The following TENM1 variants were observed in gnomAD, a reference collection of about 807,000 sequenced individuals.
TENM1 encodes the protein teneurin-1.
In TENM1, 35 loss-of-function variants were observed where a neutral mutation model predicts 174.8. That is an observed-to-expected ratio of 0.20 (90% confidence interval 0.15 to 0.27). The LOEUF is 0.27. Among genes scored for constraint, TENM1 ranks in the 10% least tolerant of loss-of-function variants. The pLI, the probability that TENM1 is intolerant of heterozygous loss-of-function variation, is 1.00. For missense variants in TENM1, 1,633 were observed against 2,130.1 expected, an observed-to-expected ratio of 0.77 and a Z score of 4.59; for synonymous variants, 781 against 798.7, an observed-to-expected ratio of 0.98 and a Z score of 0.37.
chrX:125,011,504 C>T, the TENM1 span, among the ~76,000 whole-genome samples: 2 of 111,240 alleles, frequency 1.8e-5, no homozygotes, highest in African/African-American at 3.3e-5. Flanking sequence ...ACAAACAACC[C>T]CATCAAAAAG....
At chrX:124,497,017 T>C (rs1286982058) in exon 20 of TENM1, 1 of 1,209,597 alleles carries the variant, frequency 8.3e-7, no homozygotes, top group Admixed American at 2.2e-5. Context: ...AAGACTTACC[T>C]TAATTCCAAA....
chrX:124,726,540 C>T (rs898937737), intron 4 of TENM1, among the ~76,000 whole-genome samples: 2 of 112,157 alleles, frequency 1.8e-5, no homozygotes, highest in Non-Finnish European at 3.8e-5. Context: ...AGTTCTACAG[C>T]GTCTTTTCCT....
chrX:124,990,141 CTG>C, the TENM1 span, among the ~76,000 whole-genome samples: 1 of 111,157 alleles, frequency 9.0e-6, no homozygotes, highest in South Asian at 3.7e-4. Context: ...GTGAGTTAAA[CTG>C]AGGCCTTCTG....
intron 3 of TENM1, among the ~76,000 whole-genome samples, chrX:124,884,168 G>A: frequency 9.0e-6 from 1 of 111,273 alleles, no homozygotes; most frequent in Non-Finnish European, 1.9e-5. Flanking sequence ...AATGCAAGAG[G>A]CTCCACTGCT....
intron 1 of TENM1, among the ~76,000 whole-genome samples, chrX:124,958,285 A>T (rs759381445): frequency 8.9e-6 from 1 of 112,093 alleles, no homozygotes; most frequent in East Asian, 2.8e-4. Context: ...TAATATGAAC[A>T]TATCTTCAGC....
chrX:124,752,314 C>A (rs1436686909), intron 3 of TENM1, among the ~76,000 whole-genome samples: 12 of 111,735 alleles, frequency 1.1e-4, no homozygotes, highest in Non-Finnish European at 1.7e-4. Context: ...CTGTTCATGT[C>A]CTTCGCCCAC....
chrX:124,502,629 C>T (rs1282757213), intron 19 of TENM1, among the ~76,000 whole-genome samples: 1 of 111,393 alleles, frequency 9.0e-6, no homozygotes, highest in East Asian at 2.8e-4. Flanking sequence ...AAAAAGTTGA[C>T]CTTTTATATC....
chrX:125,189,710 G>A, the TENM1 span, among the ~76,000 whole-genome samples: 1 of 111,998 alleles, frequency 8.9e-6, no homozygotes, highest in African/African-American at 3.2e-5. Context: ...TAAATTGGAG[G>A]TGAGCAGAAG....
At chrX:125,139,858 GGAGAGAGA>G in the TENM1 span, among the ~76,000 whole-genome samples, 17 of 89,907 alleles carry the variant, frequency 1.9e-4, no homozygotes, top group South Asian at 6.3e-4. Flanking sequence ...ACACACACAC[GGAGAGAGA>G]GAGAGAGAGA....
At chrX:124,887,456 G>C (rs2057409051) in intron 3 of TENM1, among the ~76,000 whole-genome samples, 1 of 111,250 alleles carries the variant, frequency 9.0e-6, no homozygotes, top group South Asian at 3.8e-4. Context: ...CTGAAGGATG[G>C]AGAGGGAGGG....
At chrX:124,890,716 T>C (rs920325557) in intron 3 of TENM1, among the ~76,000 whole-genome samples, 6 of 110,620 alleles carry the variant, frequency 5.4e-5, no homozygotes, top group African/African-American at 1.6e-4. Flanking sequence ...GGAACACTTA[T>C]ATACTGTCGG....
At chrX:125,145,492 T>C in the TENM1 span, among the ~76,000 whole-genome samples, 5 of 112,622 alleles carry the variant, frequency 4.4e-5, no homozygotes, top group African/African-American at 1.6e-4. Context: ...ACAATTGCTA[T>C]AAATTCTTAA....
intron 19 of TENM1, among the ~76,000 whole-genome samples, chrX:124,498,549 A>T (rs1179012109): frequency 9.2e-6 from 1 of 109,176 alleles, no homozygotes; most frequent in East Asian, 2.9e-4. Flanking sequence ...CAAACTACTT[A>T]TGGTTACTTT....
chrX:124,604,541 G>C (rs1460175623), intron 11 of TENM1, among the ~76,000 whole-genome samples: 1 of 111,140 alleles, frequency 9.0e-6, no homozygotes, highest in African/African-American at 3.3e-5. Context: ...GTTGATGTGT[G>C]AGTTAGAATT....
At chrX:124,645,244 G>T (rs765425363) in exon 10 of TENM1, 1 of 1,209,733 alleles carries the variant, frequency 8.3e-7, no homozygotes, top group Admixed American at 2.2e-5. Context: ...TTGTTCTTCC[G>T]GAACGTCACA....
chrX:125,054,795 C>T, the TENM1 span, among the ~76,000 whole-genome samples: 2 of 110,228 alleles, frequency 1.8e-5, no homozygotes, highest in Non-Finnish European at 3.8e-5. Context: ...GTGGAGGAGG[C>T]GAGGGTAACA....
intron 4 of TENM1, among the ~76,000 whole-genome samples, chrX:124,719,913 C>G (rs1029740146): frequency 1.8e-5 from 2 of 111,819 alleles, no homozygotes; most frequent in Non-Finnish European, 3.8e-5. Flanking sequence ...AAACCTAAAC[C>G]AGATTATATT....
chrX:124,473,076 C>A (rs191131561), intron 22 of TENM1, among the ~76,000 whole-genome samples: 1 of 111,746 alleles, frequency 8.9e-6, no homozygotes, highest in African/African-American at 3.2e-5. Context: ...AACATACTAC[C>A]TTTTGCTGAA....
chrX:124,473,101 A>G (rs2061353187), intron 22 of TENM1, among the ~76,000 whole-genome samples: 1 of 111,956 alleles, frequency 8.9e-6, no homozygotes, highest in African/African-American at 3.2e-5. Flanking sequence ...AACTGTATTT[A>G]GAAGGAACTT....
Sources: gnomAD v4.1 joint callset for allele counts (sites outside exome capture counted in the v4.1 genomes callset) on GRCh38, gnomAD v4.1.1 for gene constraint, MANE v1.5 for transcripts, NCBI Gene and HGNC (gene_info 2026-07-23, HGNC 2026-07-21) for gene names.